Variants in MBD5 observed in about 807,000 individuals in gnomAD.
MBD5 encodes the protein methyl-CpG binding domain protein 5.
Under a neutral mutation model 117.3 loss-of-function variants are expected in MBD5, and 13 were observed. The observed-to-expected ratio is 0.11, with a 90% CI of 0.07 to 0.18. MBD5 has a LOEUF of 0.18. MBD5 is among the 10% of genes least tolerant of loss of function. The pLI is 1.00. For missense variants in MBD5, 1,879 were observed against 2,093.8 expected, an observed-to-expected ratio of 0.90 and a Z score of 2.00; for synonymous variants, 727 against 766.4, an observed-to-expected ratio of 0.95 and a Z score of 0.85.
At chr2:148,182,447 G>A (rs771694699) in intron 2 of MBD5, among the ~76,000 whole-genome samples, 11 of 152,120 alleles carry the variant, frequency 7.2e-5, no homozygotes, top group Non-Finnish European at 1.6e-4. Flanking sequence ...GCAAATATCT[G>A]ACTGGAGATT....
chr2:148,169,967 G>T (rs1206947583), intron 1 of MBD5, among the ~76,000 whole-genome samples: 4 of 151,314 alleles, frequency 2.6e-5, no homozygotes, highest in African/African-American at 9.7e-5. Flanking sequence ...GCGCGATCTC[G>T]GCTCACTGCA....
intron 1 of MBD5, chr2:148,025,121 A>G (rs1046053748): frequency 2.0e-5 from 3 of 152,190 alleles, no homozygotes; most frequent in Non-Finnish European, 4.4e-5. Flanking sequence ...GATTGTACTT[A>G]GCGATTCATT....
chr2:148,148,176 A>G (rs1697519027), intron 1 of MBD5, among the ~76,000 whole-genome samples: 1 of 152,210 alleles, frequency 6.6e-6, no homozygotes, highest in African/African-American at 2.4e-5. Context: ...AAGTGAAGCC[A>G]TGTCCTGAAA....
intron 3 of MBD5, among the ~76,000 whole-genome samples, chr2:148,299,865 C>T (rs1701741749): frequency 6.6e-6 from 1 of 152,182 alleles, no homozygotes; most frequent in South Asian, 2.1e-4. Flanking sequence ...CTTGCCTCAT[C>T]TCTGATCTCC....
At chr2:148,378,323 T>A (rs555944060) in intron 4 of MBD5, among the ~76,000 whole-genome samples, 1 of 152,202 alleles carries the variant, frequency 6.6e-6, no homozygotes, top group Non-Finnish European at 1.5e-5. Context: ...ATATTGCTGC[T>A]TTTTCACATT....
chr2:148,237,201 C>G (rs1420764903), intron 3 of MBD5, among the ~76,000 whole-genome samples: 3 of 152,200 alleles, frequency 2.0e-5, no homozygotes, highest in Non-Finnish European at 2.9e-5. Flanking sequence ...TCTTTCTTAT[C>G]ATTCATGTAT....
intron 3 of MBD5, among the ~76,000 whole-genome samples, chr2:148,248,181 G>T (rs1173761574): frequency 2.0e-5 from 3 of 152,094 alleles, no homozygotes; most frequent in African/African-American, 2.4e-5. Flanking sequence ...CAGTACGGAC[G>T]TCCAAATATC....
At position 148,451,703 on chromosome 2, in the gene MBD5, T is replaced by C. The variant is rs73968629; in HGVS notation, c.-556-6500T>C. 8.5e-3 allele frequency among the ~76,000 whole-genome samples: 1,300 copies of C among 152,300 alleles called. 18 individuals carry two copies. Among genetic ancestry groups the C allele is most frequent in the African/African-American group, 0.03 (1,234 of 41,568 alleles). ...CATGTCTGTTGTTACATGTATATAT[T>C]GTTTTGGAATATAAACATAAAGGCG... On this transcript the variant is annotated intron_variant, in intron 4 of 13. Transcript: ENST00000642680.
At chr2:148,056,535 T>C (rs1694868837) in intron 1 of MBD5, among the ~76,000 whole-genome samples, 1 of 152,118 alleles carries the variant, frequency 6.6e-6, no homozygotes, top group Admixed American at 6.5e-5. Context: ...TATTGAGTTA[T>C]ATTAAATGTG....
chr2:148,114,393 C>G (rs758613737), intron 1 of MBD5, among the ~76,000 whole-genome samples: 1 of 152,098 alleles, frequency 6.6e-6, no homozygotes, highest in Admixed American at 6.5e-5. Flanking sequence ...TCACTTGATC[C>G]TGGGAGGCAG....
At chr2:148,488,764 C>T (rs916343652) in intron 10 of MBD5, among the ~76,000 whole-genome samples, 1 of 152,106 alleles carries the variant, frequency 6.6e-6, no homozygotes, top group African/African-American at 2.4e-5. Context: ...TGCTCTCCTT[C>T]CACCACTTTC....
At chr2:148,181,340 G>A (rs949623339) in intron 2 of MBD5, among the ~76,000 whole-genome samples, 10 of 152,010 alleles carry the variant, frequency 6.6e-5, no homozygotes, top group African/African-American at 1.5e-4. Context: ...ATGTCCTATC[G>A]TGGAACTTTG....
chr2:148,436,715 C>G (rs1160506834), intron 4 of MBD5, among the ~76,000 whole-genome samples: 1 of 151,980 alleles, frequency 6.6e-6, no homozygotes, highest in Non-Finnish European at 1.5e-5. Flanking sequence ...TTGAAAGGAC[C>G]AGAAAGAGTA....
chr2:148,397,372 C>T (rs1013582436), intron 4 of MBD5, among the ~76,000 whole-genome samples: 1 of 145,890 alleles, frequency 6.9e-6, no homozygotes, highest in Non-Finnish European at 1.5e-5. Context: ...CTGTCTCGCC[C>T]AGGCTAGAGA....
chr2:148,301,711 G>T (rs1701778663), intron 3 of MBD5, among the ~76,000 whole-genome samples: 1 of 152,196 alleles, frequency 6.6e-6, no homozygotes, highest in South Asian at 2.1e-4. Context: ...CTTGGGAGGG[G>T]CTATATGCAT....
chr2:148,447,295 A>G (rs1179196007), intron 4 of MBD5, among the ~76,000 whole-genome samples: 1 of 151,904 alleles, frequency 6.6e-6, no homozygotes, highest in Non-Finnish European at 1.5e-5. Context: ...TTGAAATTGG[A>G]TGGTTCTCTG....
At chr2:148,352,645 A>C (rs940514930) in intron 4 of MBD5, among the ~76,000 whole-genome samples, 25 of 152,028 alleles carry the variant, frequency 1.6e-4, no homozygotes, top group African/African-American at 5.8e-4. Flanking sequence ...GGGATTGACT[A>C]TTTTCACTCA....
chr2:148,369,716 G>T (rs1367109718), intron 4 of MBD5, among the ~76,000 whole-genome samples: 1 of 151,824 alleles, frequency 6.6e-6, no homozygotes, highest in Non-Finnish European at 1.5e-5. Context: ...AATAGCTTTT[G>T]GTATACTCCT....
At chr2:148,427,930 G>A (rs569318607) in intron 4 of MBD5, among the ~76,000 whole-genome samples, 15 of 151,686 alleles carry the variant, frequency 9.9e-5, no homozygotes, top group East Asian at 3.9e-4. Context: ...TTTGAAAACC[G>A]GCACAAGACA....
Sources: allele counts gnomAD v4.1 joint callset (sites outside exome capture counted in the v4.1 genomes callset), GRCh38; gene constraint gnomAD v4.1.1; transcripts MANE v1.5; gene names NCBI Gene and HGNC (gene_info 2026-07-23, HGNC 2026-07-21).